LDLRAD4: variants seen among roughly 807,000 people sequenced by gnomAD.
LDLRAD4 encodes the protein low density lipoprotein receptor class A domain containing 4, also known as low-density lipoprotein receptor class A domain-containing protein 4.
Under a neutral mutation model 17.0 loss-of-function variants are expected in LDLRAD4, and 5 were observed. The observed-to-expected ratio is 0.29, with a 90% CI of 0.15 to 0.62. The LOEUF is 0.62. Among genes scored for constraint, LDLRAD4 ranks in the 20% least tolerant of loss-of-function variants. The pLI is 0.84. For missense variants in LDLRAD4, 340 were observed against 424.7 expected (o/e 0.80, Z 1.75); for synonymous variants, 168 against 171.8 (o/e 0.98, Z 0.17).
At chr18:13,442,100 T>G (rs1254862201) in intron 3 of LDLRAD4, among the ~76,000 whole-genome samples, 1 of 152,230 alleles carries the variant, frequency 6.6e-6, no homozygotes, top group Non-Finnish European at 1.5e-5. Flanking sequence ...CAAACACAAT[T>G]ATTTGTTATT....
intron 1 of LDLRAD4, among the ~76,000 whole-genome samples, chr18:13,303,756 A>G (rs2146611041): frequency 6.6e-6 from 1 of 152,346 alleles, no homozygotes. Context: ...CCCCCAAAAT[A>G]GAACAGAACC....
intron 3 of LDLRAD4, among the ~76,000 whole-genome samples, chr18:13,445,172 C>G (rs11872353): frequency 0.073 from 11,178 of 152,228 alleles, 943 homozygotes; most frequent in East Asian, 0.36. Context: ...AGGACCAGTC[C>G]TGCCAAGCAC....
intron 3 of LDLRAD4, among the ~76,000 whole-genome samples, chr18:13,513,546 G>A (rs2093815538): frequency 6.6e-6 from 1 of 152,176 alleles, no homozygotes; most frequent in South Asian, 2.1e-4. Flanking sequence ...GATCCCGTGG[G>A]GAGCTGGATC....
intron 3 of LDLRAD4, among the ~76,000 whole-genome samples, chr18:13,578,424 G>T (rs1027043147): frequency 6.6e-6 from 1 of 152,176 alleles, no homozygotes; most frequent in Admixed American, 6.5e-5. Context: ...ACTTCCACCT[G>T]TGCCCTCCCT....
At chr18:13,432,123 A>G (rs1349404394) in intron 2 of LDLRAD4, among the ~76,000 whole-genome samples, 2 of 152,196 alleles carry the variant, frequency 1.3e-5, no homozygotes, top group African/African-American at 4.8e-5. Context: ...TGCACCTTGC[A>G]CTGCAGGTTT....
At chr18:13,631,703 A>C (rs1174932426) in intron 4 of LDLRAD4, among the ~76,000 whole-genome samples, 1 of 152,162 alleles carries the variant, frequency 6.6e-6, no homozygotes, top group Non-Finnish European at 1.5e-5. Flanking sequence ...TAAGGGAGGC[A>C]GATTACTTGA....
At chr18:13,421,296 G>A (rs1478802851) in intron 2 of LDLRAD4, 1 of 152,352 alleles carries the variant, frequency 6.6e-6, no homozygotes, top group Admixed American at 6.5e-5. Context: ...TAGGCAAGGG[G>A]TGTGGAATTA....
chr18:13,417,160 T>A (rs2088975625), intron 2 of LDLRAD4, among the ~76,000 whole-genome samples: 1 of 152,214 alleles, frequency 6.6e-6, no homozygotes, highest in African/African-American at 2.4e-5. Flanking sequence ...GAATGGCTTG[T>A]AGCTTGAGAG....
chr18:13,432,401 C>T (rs1013185407), intron 2 of LDLRAD4, among the ~76,000 whole-genome samples: 1 of 152,218 alleles, frequency 6.6e-6, no homozygotes, highest in African/African-American at 2.4e-5. Flanking sequence ...GAGTCCTTTT[C>T]CCTTTTTGAT....
chr18:13,455,001 C>T (rs1168514073), intron 3 of LDLRAD4, among the ~76,000 whole-genome samples: 1 of 152,254 alleles, frequency 6.6e-6, no homozygotes, highest in Non-Finnish European at 1.5e-5. Context: ...CACAACCCTG[C>T]AAACATGTCA....
At chr18:13,442,360 G>T (rs76969091) in intron 3 of LDLRAD4, among the ~76,000 whole-genome samples, 2,890 of 152,288 alleles carry the variant, frequency 0.019, 76 homozygotes, top group East Asian at 0.065. Flanking sequence ...ATTCATCCTG[G>T]TTGGATTAGT....
chr18:13,601,899 A>G (rs369278355), intron 3 of LDLRAD4, among the ~76,000 whole-genome samples: 1 of 152,354 alleles, frequency 6.6e-6, no homozygotes, highest in Non-Finnish European at 1.5e-5. Flanking sequence ...TAGCAAAGAC[A>G]TGGAATCAAC....
At chr18:13,435,019 G>C (rs1004575711) in intron 2 of LDLRAD4, among the ~76,000 whole-genome samples, 2 of 152,244 alleles carry the variant, frequency 1.3e-5, no homozygotes. Context: ...AGACGTCCAG[G>C]TGATCCCAAT....
chr18:13,626,014 G>T (rs1305040760), intron 4 of LDLRAD4, among the ~76,000 whole-genome samples: 20 of 151,796 alleles, frequency 1.3e-4, no homozygotes, highest in Admixed American at 1.3e-3. Flanking sequence ...GTGTGTCCCA[G>T]GGGGGCCCAA....
intron 3 of LDLRAD4, among the ~76,000 whole-genome samples, chr18:13,564,335 A>G (rs933760913): frequency 6.6e-6 from 1 of 152,158 alleles, no homozygotes; most frequent in Non-Finnish European, 1.5e-5. Flanking sequence ...AAGCAAGCCT[A>G]TGTTGTTGTA....
intron 1 of LDLRAD4, among the ~76,000 whole-genome samples, chr18:13,384,660 T>C: frequency 6.6e-6 from 1 of 152,348 alleles, no homozygotes; most frequent in East Asian, 1.9e-4. Context: ...TGAGATCATG[T>C]AGTACTTGTC....
intron 1 of LDLRAD4, among the ~76,000 whole-genome samples, chr18:13,269,125 G>A (rs2044379462): frequency 6.6e-6 from 1 of 152,216 alleles, no homozygotes; most frequent in African/African-American, 2.4e-5. Flanking sequence ...AATGAGGAAA[G>A]GCTGCATGTC....
At chr18:13,366,036 G>A (rs1451011990) in intron 1 of LDLRAD4, 2 of 152,126 alleles carry the variant, frequency 1.3e-5, no homozygotes, top group Non-Finnish European at 2.9e-5. Flanking sequence ...GCCTCCCAAA[G>A]TGCTGGGATT....
chr18:13,293,829 A>C (rs1015780733), intron 1 of LDLRAD4, among the ~76,000 whole-genome samples: 3 of 152,172 alleles, frequency 2.0e-5, no homozygotes, highest in Non-Finnish European at 4.4e-5. Context: ...TTTACTTTTA[A>C]ACTTTCTAAA....
Sources: allele counts gnomAD v4.1 joint callset (sites outside exome capture counted in the v4.1 genomes callset), GRCh38; gene constraint gnomAD v4.1.1; transcripts MANE v1.5; gene names NCBI Gene and HGNC (gene_info 2026-07-23, HGNC 2026-07-21).